The following BANK1 variants were observed in gnomAD, a reference collection of about 807,000 sequenced individuals.
BANK1 encodes the protein B-cell scaffold protein with ankyrin repeats.
In BANK1, 95 loss-of-function variants were observed where a neutral mutation model predicts 94.5. The ratio of observed to expected loss-of-function variants is 1.00; its 90% CI spans 0.85 to 1.19. BANK1 has a LOEUF of 1.19. Ranked by LOEUF, BANK1 falls within the 50% of genes most tolerant of loss-of-function variation. The probability of loss-of-function intolerance (pLI) is 0.00; values close to 1 mark genes in which losing one functional copy is unlikely to be tolerated. For missense variants in BANK1, 987 were observed against 932.2 expected, an observed-to-expected ratio of 1.06 and a Z score of -0.77; for synonymous variants, 334 against 308.4, an observed-to-expected ratio of 1.08 and a Z score of -0.87.
chr4:102,072,982 T>TAACA (rs1051007576), intron 15 of BANK1, among the ~76,000 whole-genome samples: 2 of 152,216 alleles, frequency 1.3e-5, no homozygotes, highest in Middle Eastern at 3.4e-3. Context: ...ATATATAATG[T>TAACA]AACACACTTG....
chr4:101,992,672 T>C (rs896946082), intron 7 of BANK1, among the ~76,000 whole-genome samples: 3 of 152,164 alleles, frequency 2.0e-5, no homozygotes, highest in African/African-American at 7.2e-5. Flanking sequence ...CCTGGCTTCA[T>C]TTAAATTGCA....
chr4:101,821,955 G>A (rs891882845), intron 1 of BANK1, among the ~76,000 whole-genome samples: 3 of 152,190 alleles, frequency 2.0e-5, no homozygotes, highest in Non-Finnish European at 4.4e-5. Flanking sequence ...GAGCCTAGGT[G>A]ATGTAATCCA....
intron 6 of BANK1, among the ~76,000 whole-genome samples, chr4:101,912,307 A>G (rs1322113110): frequency 6.6e-6 from 1 of 152,142 alleles, no homozygotes; most frequent in Non-Finnish European, 1.5e-5. Context: ...GCCATTACCA[A>G]ATAGTTATTT....
At chr4:101,801,529 G>A (rs574858406) in intron 1 of BANK1, among the ~76,000 whole-genome samples, 2 of 152,266 alleles carry the variant, frequency 1.3e-5, no homozygotes, top group South Asian at 4.1e-4. Flanking sequence ...TCATAAAAAT[G>A]TGAGCAAAAT....
At chr4:101,863,329 A>G (rs564626550) in intron 4 of BANK1, among the ~76,000 whole-genome samples, 17 of 152,128 alleles carry the variant, frequency 1.1e-4, no homozygotes, top group Non-Finnish European at 2.1e-4. Context: ...TATAAATGTA[A>G]AACTGCTTGG....
At chr4:101,920,720 C>A (rs995250495) in intron 7 of BANK1, among the ~76,000 whole-genome samples, 1 of 151,956 alleles carries the variant, frequency 6.6e-6, no homozygotes, top group African/African-American at 2.4e-5. Flanking sequence ...TTGCTCAGTA[C>A]TTCCTAATCC....
Position 102,030,197 on chromosome 4 carries a change from C to G in BANK1, c.1832C>G (p.Pro611Arg). The change falls in exon 10 of 17, where the codon CCT becomes CGT. Residue 611 changes from proline to arginine, a missense_variant. Physicochemically the swap from Pro to Arg is moderately radical, Grantham distance 103 (BLOSUM62 -2). Transcript: ENST00000322953. ...TGSRSFIINR[P>R]PAPTPRPTSI... Reference sequence around the variant, plus strand: ...AGTCGGTCTTTCATTATAAATAGACCTCCTGCCCCCACACCCCGACCCACA... The same window carrying G: ...AGTCGGTCTTTCATTATAAATAGACGTCCTGCCCCCACACCCCGACCCACA... 6.2e-7 allele frequency: 1 copy of G among 1,613,666 alleles called. No homozygotes were observed. Among genetic ancestry groups the G allele is most frequent in the Non-Finnish European group, 8.5e-7 (1 of 1,179,814 alleles).
intron 7 of BANK1, among the ~76,000 whole-genome samples, chr4:101,948,090 G>A (rs1723996991): frequency 6.6e-6 from 1 of 152,078 alleles, no homozygotes; most frequent in South Asian, 2.1e-4. Flanking sequence ...ATAAAACAAT[G>A]AATGTATGTC....
At chr4:101,917,963 A>G (rs955935132) in intron 6 of BANK1, 30 bp from the exon 7 acceptor site, 87 of 1,498,708 alleles carry the variant, frequency 5.8e-5, no homozygotes, top group Non-Finnish European at 7.5e-5. Context: ...AAATGAAAAC[A>G]TTAAATCCTA....
At chr4:102,069,261 C>A (rs1728683441) in intron 13 of BANK1, among the ~76,000 whole-genome samples, 2 of 152,166 alleles carry the variant, frequency 1.3e-5, no homozygotes, top group African/African-American at 4.8e-5. Flanking sequence ...ATGTATATTT[C>A]TTTAACTCTT....
At chr4:102,010,067 C>T (rs930538962) in intron 7 of BANK1, among the ~76,000 whole-genome samples, 2 of 151,970 alleles carry the variant, frequency 1.3e-5, no homozygotes, top group South Asian at 2.1e-4. Flanking sequence ...GAGATCGAGA[C>T]CATCCTGGCT....
Position 101,870,489 on chromosome 4 carries a change from G to C in BANK1, c.764-16G>C. The C allele has an allele frequency of 1.9e-6, 3 of 1,607,292 alleles. No homozygotes were observed. Among genetic ancestry groups the C allele is most frequent in the Non-Finnish European group, 2.5e-6 (3 of 1,176,804 alleles). Reference sequence around the variant, plus strand: ...ATTATATACTCTGCCCCTAACCCTTGTTTGTTTTTCATAAGAGTTTCCTGC... The same window carrying C: ...ATTATATACTCTGCCCCTAACCCTTCTTTGTTTTTCATAAGAGTTTCCTGC... On this transcript the variant is annotated splice_polypyrimidine_tract_variant and intron_variant, in intron 4 of 16. Transcript: ENST00000322953.
intron 7 of BANK1, among the ~76,000 whole-genome samples, chr4:101,927,628 T>C (rs1723208214): frequency 6.6e-6 from 1 of 151,552 alleles, no homozygotes; most frequent in South Asian, 2.1e-4. Context: ...TGTTTTTTAG[T>C]ATAGGCAATG....
chr4:102,064,493 C>T (rs1267239561), intron 13 of BANK1, among the ~76,000 whole-genome samples: 4 of 151,970 alleles, frequency 2.6e-5, no homozygotes, highest in African/African-American at 9.7e-5. Flanking sequence ...GCAATATTTC[C>T]AGTTTATAAA....
At position 102,072,465 on chromosome 4, in the gene BANK1, A is replaced by G. The variant is rs1389396408; in HGVS notation, c.2298+65A>G. 9 of 1,232,914 alleles carry G rather than the reference A, an allele frequency of 7.3e-6. No individual in the cohort carries two copies. The Admixed American group carries it at 1.6e-4, about 22-fold the overall frequency. 76.4% of individuals were successfully genotyped at this position (1,232,914 alleles called of 1,614,324 possible). ...AATAACTTCGTTAAAAAAGAACATG[A>G]GAGCCTTCTATCCTGTCTATGCTTT... On this transcript the variant is annotated intron_variant, in intron 15 of 16. Transcript: ENST00000322953.
chr4:101,927,715 G>A (rs572096141), intron 7 of BANK1, among the ~76,000 whole-genome samples: 10 of 151,536 alleles, frequency 6.6e-5, no homozygotes, highest in South Asian at 2.1e-4. Flanking sequence ...TGGTAGAAGC[G>A]GAGGATGGAA....
At chr4:101,880,580 T>C (rs545011270) in intron 5 of BANK1, among the ~76,000 whole-genome samples, 1 of 152,148 alleles carries the variant, frequency 6.6e-6, no homozygotes, top group African/African-American at 2.4e-5. Context: ...AAAACTATCC[T>C]AAAGTTTATA....
At chr4:101,823,437 A>C (rs1432381090) in intron 1 of BANK1, among the ~76,000 whole-genome samples, 1 of 152,140 alleles carries the variant, frequency 6.6e-6, no homozygotes, top group African/African-American at 2.4e-5. Context: ...TCAGATGTAG[A>C]CAGTCTTACT....
chr4:101,849,408 C>G lies in BANK1; in HGVS notation c.470-5627C>G, dbSNP rs543758521. Among the ~76,000 whole-genome samples the G allele has an allele frequency of 2.6e-5, 4 of 152,252 alleles. No homozygotes were observed. In the South Asian group the frequency reaches 8.3e-4, roughly 32 times the overall value. ...ACCATTTTAAGTTTCAGACCCACTT[C>G]TGAGGAGGCCAACCTGAATGCCCAA... On this transcript the variant is annotated intron_variant, in intron 2 of 16. Transcript: ENST00000322953.
Sources: allele counts gnomAD v4.1 joint callset (sites outside exome capture counted in the v4.1 genomes callset), GRCh38; gene constraint gnomAD v4.1.1; transcripts MANE v1.5; gene names NCBI Gene and HGNC (gene_info 2026-07-23, HGNC 2026-07-21).